Variants in NBAS observed in about 807,000 individuals in gnomAD.
The protein encoded by NBAS is NBAS subunit of NRZ tethering complex.
NBAS carries 219 observed loss-of-function variants against 302.5 expected under a neutral mutation model. The observed-to-expected ratio is 0.72, with a 90% CI of 0.65 to 0.81. NBAS has a LOEUF of 0.81. NBAS is among the 30% of genes least tolerant of loss of function. The probability of loss-of-function intolerance (pLI) is 0.00; values close to 1 mark genes in which losing one functional copy is unlikely to be tolerated. For missense variants in NBAS, 2,932 were observed against 2,841.6 expected, an observed-to-expected ratio of 1.03 and a Z score of -0.72; for synonymous variants, 1,118 against 1,021.6, an observed-to-expected ratio of 1.09 and a Z score of -1.80.
chr2:14,812,393 A>C, the NBAS span, among the ~76,000 whole-genome samples: 1 of 152,196 alleles, frequency 6.6e-6, no homozygotes. Flanking sequence ...TTACCAGGAG[A>C]TACTAGACTT....
At chr2:15,105,313 C>T in the NBAS span, among the ~76,000 whole-genome samples, 1 of 152,006 alleles carries the variant, frequency 6.6e-6, no homozygotes, top group Non-Finnish European at 1.5e-5. Context: ...ATGTAGATGA[C>T]AGGTTGATGG....
At chr2:15,133,959 C>T in the NBAS span, among the ~76,000 whole-genome samples, 4 of 152,020 alleles carry the variant, frequency 2.6e-5, no homozygotes, top group Admixed American at 1.3e-4. Flanking sequence ...TCAGACAAAT[C>T]CCTCGGGGAT....
chr2:14,797,947 T>C, the NBAS span, among the ~76,000 whole-genome samples: 1 of 152,346 alleles, frequency 6.6e-6, no homozygotes, highest in Non-Finnish European at 1.5e-5. Flanking sequence ...TATACTGACC[T>C]CATATCCTTC....
At chr2:15,267,120 T>C (rs1311521687) in intron 44 of NBAS, among the ~76,000 whole-genome samples, 1 of 152,228 alleles carries the variant, frequency 6.6e-6, no homozygotes, top group Non-Finnish European at 1.5e-5. Context: ...ATCTCTTCTT[T>C]GTACACATGG....
intron 40 of NBAS, among the ~76,000 whole-genome samples, chr2:15,298,616 G>T (rs948233167): frequency 3.3e-5 from 5 of 152,060 alleles, no homozygotes; most frequent in Non-Finnish European, 7.4e-5. Context: ...AATTTTACTG[G>T]TTATGATTAC....
intron 10 of NBAS, among the ~76,000 whole-genome samples, chr2:15,508,567 T>C: frequency 6.6e-6 from 1 of 152,226 alleles, no homozygotes; most frequent in Non-Finnish European, 1.5e-5. Flanking sequence ...GAAATGATTG[T>C]ACAATGAAAC....
At chr2:15,442,248 T>C (rs1442751547) in intron 21 of NBAS, among the ~76,000 whole-genome samples, 1 of 81,126 alleles carries the variant, frequency 1.2e-5, no homozygotes, top group Non-Finnish European at 3.0e-5. Context: ...ATTGACCACA[T>C]AGTTGGAAGC....
chr2:15,317,050 G>A (rs1324433264), intron 38 of NBAS, among the ~76,000 whole-genome samples: 1 of 152,162 alleles, frequency 6.6e-6, no homozygotes, highest in Non-Finnish European at 1.5e-5. Flanking sequence ...AGTAATATTC[G>A]CTGTGCTGCA....
chr2:15,465,968 T>C (rs1572891509), intron 19 of NBAS, among the ~76,000 whole-genome samples: 1 of 152,184 alleles, frequency 6.6e-6, no homozygotes, highest in African/African-American at 2.4e-5. Context: ...ATCACAGAAC[T>C]CAGGCATATC....
chr2:14,779,301 A>G, the NBAS span, among the ~76,000 whole-genome samples: 11,118 of 152,214 alleles, frequency 0.073, 480 homozygotes, highest in African/African-American at 0.12. Context: ...CCTAACAGGT[A>G]TCTTTGTTGC....
chr2:15,349,907 G>A (rs1225832869), intron 35 of NBAS, among the ~76,000 whole-genome samples: 2 of 152,152 alleles, frequency 1.3e-5, no homozygotes, highest in Non-Finnish European at 2.9e-5. Context: ...GAACAGTGCA[G>A]GTATGACATA....
the NBAS span, among the ~76,000 whole-genome samples, chr2:15,104,618 A>G: frequency 2.0e-5 from 3 of 152,068 alleles, no homozygotes; most frequent in Non-Finnish European, 4.4e-5. Flanking sequence ...TCCTTAAGGA[A>G]TCGCCACACT....
At chr2:15,065,216 A>G in the NBAS span, among the ~76,000 whole-genome samples, 1 of 152,174 alleles carries the variant, frequency 6.6e-6, no homozygotes, top group Non-Finnish European at 1.5e-5. Flanking sequence ...TGTTAATGAT[A>G]TCTCAATGAA....
chr2:15,182,398 T>G (rs1232282523), intron 50 of NBAS, among the ~76,000 whole-genome samples: 2 of 152,340 alleles, frequency 1.3e-5, no homozygotes, highest in East Asian at 3.9e-4. Flanking sequence ...AACTTGAGTG[T>G]TATTGCATAA....
intron 12 of NBAS, among the ~76,000 whole-genome samples, chr2:15,483,080 T>C (rs1680494897): frequency 6.6e-6 from 1 of 152,196 alleles, no homozygotes; most frequent in East Asian, 1.9e-4. Context: ...ACTTGAGAAT[T>C]TTATTTGCTA....
At chr2:15,239,397 G>GTATATATATA (rs1490800257) in intron 44 of NBAS, among the ~76,000 whole-genome samples, 1 of 83,122 alleles carries the variant, frequency 1.2e-5, no homozygotes, top group South Asian at 4.3e-4. Context: ...GCGTGTGTGT[G>GTATATATATA]TGTGTATATA....
At chr2:14,835,923 A>G in the NBAS span, among the ~76,000 whole-genome samples, 5 of 152,112 alleles carry the variant, frequency 3.3e-5, no homozygotes, top group African/African-American at 4.8e-5. Context: ...CACTTTACAC[A>G]TCTACCAGCA....
In NBAS at chr2:15,474,124, T is replaced by C; in HGVS notation, c.1542A>G (p.Lys514=). The change falls in exon 15 of 52, where the codon AAA becomes AAG. Residue 514 remains lysine, a synonymous_variant. Coordinates refer to ENST00000281513, the MANE Select transcript of NBAS (RefSeq NM_015909.4). ...AGCGCAAACTCACAAGGCGGTAGTT[T>C]TTAGTAATGGTTCGTGGGCGTTTCC... ...PPRKRPRTIT[K]NYRLVSLRST... The C allele has an allele frequency of 6.2e-7, 1 of 1,614,088 alleles. No individual in the cohort carries two copies. Among genetic ancestry groups the C allele is most frequent in the South Asian group, 1.1e-5 (1 of 91,080 alleles).
rs778573500 is a variant in NBAS, at chr2:15,557,378, TTCTC to T, written c.173-563_173-560del. On this transcript the variant is annotated intron_variant, in intron 2 of 51. Coordinates refer to ENST00000281513, the MANE Select transcript of NBAS (RefSeq NM_015909.4). Reference sequence around the variant, plus strand: ...GGAAAAATATCTAAAGAATAACAGATTCTCTCTAGGTGGTATGAGGACAAATTTT... The same window carrying T: ...GGAAAAATATCTAAAGAATAACAGATTCTAGGTGGTATGAGGACAAATTTT... Among the ~76,000 whole-genome samples, 9 of 152,270 alleles carry T rather than the reference TTCTC, an allele frequency of 5.9e-5. No individual in the cohort carries two copies. In the East Asian group the frequency reaches 9.6e-4, roughly 16 times the overall value.
Sources: gnomAD v4.1 joint callset for allele counts (sites outside exome capture counted in the v4.1 genomes callset) on GRCh38, gnomAD v4.1.1 for gene constraint, MANE v1.5 for transcripts, NCBI Gene and HGNC (gene_info 2026-07-23, HGNC 2026-07-21) for gene names.